Variants in C12orf42 observed in about 807,000 individuals in gnomAD.
C12orf42 encodes chromosome 12 open reading frame 42, also known as uncharacterized protein C12orf42.
Under a neutral mutation model 21.6 loss-of-function variants are expected in C12orf42, and 25 were observed. The observed-to-expected ratio is 1.16, with a 90% CI of 0.84 to 1.62. The LOEUF is 1.62. Among genes scored for constraint, C12orf42 ranks in the 40% most tolerant of loss-of-function variants. The pLI is 0.00. For missense variants in C12orf42, 483 were observed against 459.3 expected (o/e 1.05, Z -0.47); for synonymous variants, 174 against 175.0 (o/e 0.99, Z 0.05).
the C12orf42 span, among the ~76,000 whole-genome samples, chr12:103,184,339 T>A: frequency 2.0e-5 from 3 of 152,368 alleles, no homozygotes; most frequent in African/African-American, 7.2e-5. Context: ...TAAAGTCTAC[T>A]TTATCAGGTG....
At chr12:103,195,894 G>A in the C12orf42 span, among the ~76,000 whole-genome samples, 1 of 151,996 alleles carries the variant, frequency 6.6e-6, no homozygotes, top group Non-Finnish European at 1.5e-5. Flanking sequence ...TCCTGAATTT[G>A]CCTCTGGGGT....
At chr12:103,077,014 G>A in the C12orf42 span, among the ~76,000 whole-genome samples, 1 of 152,006 alleles carries the variant, frequency 6.6e-6, no homozygotes, top group Non-Finnish European at 1.5e-5. Context: ...TGAGTTTCTA[G>A]ATTGAAAAAA....
At chr12:103,287,663 A>C (rs2036553846) in intron 4 of C12orf42, among the ~76,000 whole-genome samples, 1 of 151,936 alleles carries the variant, frequency 6.6e-6, no homozygotes, top group Non-Finnish European at 1.5e-5. Context: ...TATATAACAA[A>C]ACTGCACGTT....
At chr12:103,553,835 T>G in the C12orf42 span, among the ~76,000 whole-genome samples, 2 of 152,110 alleles carry the variant, frequency 1.3e-5, no homozygotes, top group African/African-American at 4.8e-5. Context: ...GAAGTCACTT[T>G]CCCAAGATCC....
At chr12:103,536,743 C>T in the C12orf42 span, among the ~76,000 whole-genome samples, 23 of 152,156 alleles carry the variant, frequency 1.5e-4, no homozygotes, top group Non-Finnish European at 4.4e-5. Flanking sequence ...TCCCTTTGCT[C>T]TTGTCACTCT....
chr12:103,393,338 G>T (rs1193766023), intron 3 of C12orf42, among the ~76,000 whole-genome samples: 2 of 152,004 alleles, frequency 1.3e-5, no homozygotes, highest in Non-Finnish European at 2.9e-5. Flanking sequence ...AGTAGGGGTG[G>T]GGAGGTGCCA....
chr12:103,328,216 C>T (rs890396445), intron 4 of C12orf42, among the ~76,000 whole-genome samples: 1 of 151,998 alleles, frequency 6.6e-6, no homozygotes, highest in African/African-American at 2.4e-5. Flanking sequence ...CATCTTATGG[C>T]CTGCCTTCAG....
chr12:103,180,136 T>TA, the C12orf42 span, among the ~76,000 whole-genome samples: 625 of 129,718 alleles, frequency 4.8e-3, 1 homozygote, highest in East Asian at 0.014. Flanking sequence ...TTTCCCTCAA[T>TA]AAAAAAAAAA....
rs557443343 is a variant in C12orf42, at chr12:103,287,092, T to C, written n.338-9882A>G. Among the ~76,000 whole-genome samples the C allele has an allele frequency of 3.9e-5, 6 of 152,300 alleles. No individual in the cohort carries two copies. In the South Asian group the frequency reaches 1.2e-3, roughly 32 times the overall value. On this transcript the variant is annotated intron_variant and non_coding_transcript_variant, in intron 4 of 6. Coordinates refer to the C12orf42 transcript ENST00000546526. The stretch of plus-strand genomic sequence containing the variant: ...AGGATGTGGAGAAATAGGAACACTT[T>C]TACACTGTTGGTGGTACTGTAAACT...
chr12:103,274,056 A>G (rs766581756), intron 5 of C12orf42, among the ~76,000 whole-genome samples: 2 of 152,176 alleles, frequency 1.3e-5, no homozygotes, highest in African/African-American at 4.8e-5. Flanking sequence ...AGTTATTACT[A>G]AGGGCTTATT....
the C12orf42 span, among the ~76,000 whole-genome samples, chr12:103,110,823 G>A: frequency 6.6e-6 from 1 of 152,058 alleles, no homozygotes; most frequent in African/African-American, 2.4e-5. Context: ...ATTTGGCAAG[G>A]GTTTTATTTA....
At chr12:103,485,235 T>C (rs1449615514) in intron 1 of C12orf42, among the ~76,000 whole-genome samples, 4 of 152,220 alleles carry the variant, frequency 2.6e-5, no homozygotes, top group Admixed American at 1.3e-4. Context: ...GGGAATACTT[T>C]CCCCATTTCT....
chr12:103,168,128 T>C, the C12orf42 span: 2 of 455,636 alleles, frequency 4.4e-6, no homozygotes, highest in African/African-American at 4.0e-5. Flanking sequence ...AAAGTTGATG[T>C]ACATTAAGAG....
the C12orf42 span, among the ~76,000 whole-genome samples, chr12:103,123,804 C>T: frequency 1.8e-3 from 265 of 151,408 alleles, no homozygotes; most frequent in African/African-American, 6.1e-3. Context: ...AATTATTTTA[C>T]CTATTTCTTT....
intron 4 of C12orf42, among the ~76,000 whole-genome samples, chr12:103,282,582 C>A (rs1045179989): frequency 1.3e-5 from 2 of 152,166 alleles, no homozygotes; most frequent in Non-Finnish European, 2.9e-5. Context: ...TGTTAGTACG[C>A]TCTGATGTTC....
At chr12:103,472,334 G>A (rs928588661) in intron 2 of C12orf42, among the ~76,000 whole-genome samples, 24 of 152,014 alleles carry the variant, frequency 1.6e-4, no homozygotes, top group Non-Finnish European at 2.9e-4. Flanking sequence ...AATTACAGGC[G>A]TGAGCCACCG....
At chr12:103,543,891 GT>G in the C12orf42 span, among the ~76,000 whole-genome samples, 1,219 of 46,394 alleles carry the variant, frequency 0.026, 23 homozygotes, top group African/African-American at 0.12. Flanking sequence ...TTTTTTTTTT[GT>G]TTTGTTTTTT....
the C12orf42 span, among the ~76,000 whole-genome samples, chr12:103,194,366 G>A: frequency 6.6e-6 from 1 of 151,988 alleles, no homozygotes; most frequent in Admixed American, 6.6e-5. Context: ...AAATTGAAAA[G>A]GAAAAAGTAA....
chr12:103,133,205 C>A, the C12orf42 span, among the ~76,000 whole-genome samples: 1 of 152,124 alleles, frequency 6.6e-6, no homozygotes, highest in Non-Finnish European at 1.5e-5. Flanking sequence ...AACCTAAGGG[C>A]CTAGGGACTG....
Sources: allele counts gnomAD v4.1 joint callset (sites outside exome capture counted in the v4.1 genomes callset), GRCh38; gene constraint gnomAD v4.1.1; transcripts MANE v1.5; gene names NCBI Gene and HGNC (gene_info 2026-07-23, HGNC 2026-07-21).